Variants in TBC1D8 observed in about 807,000 individuals in gnomAD.
TBC1D8 encodes the protein BUB2-like protein 1.
TBC1D8 carries 65 observed loss-of-function variants against 118.8 expected under a neutral mutation model. The ratio of observed to expected loss-of-function variants is 0.55; its 90% CI spans 0.45 to 0.67. The LOEUF (loss-of-function observed/expected upper bound fraction) is 0.67, where lower values mean the gene tolerates loss of function less well. Ranked by LOEUF, TBC1D8 falls within the 30% of genes least tolerant of loss-of-function variation. TBC1D8 has a pLI of 0.00. For synonymous variants in TBC1D8, 566 were observed against 595.8 expected, an observed-to-expected ratio of 0.95 and a Z score of 0.73; for missense variants, 1,376 against 1,471.2, an observed-to-expected ratio of 0.94 and a Z score of 1.06.
intron 2 of TBC1D8, among the ~76,000 whole-genome samples, chr2:101,066,197 T>C (rs1558668951): frequency 6.6e-6 from 1 of 152,068 alleles, no homozygotes; most frequent in African/African-American, 2.4e-5. Context: ...GGCAAGAGAA[T>C]TGCTTGAACC....
intron 6 of TBC1D8, 67 bp from the exon 7 acceptor site, chr2:101,038,722 G>C: frequency 2.6e-6 from 4 of 1,555,268 alleles, no homozygotes; most frequent in Non-Finnish European, 3.5e-6. Flanking sequence ...TACATATGCA[G>C]AAGATGTCCC....
Position 101,066,286 on chromosome 2 carries a change from AAAAAT to A in TBC1D8, c.284-6752_284-6748del, listed in dbSNP as rs1200419010. Among the ~76,000 whole-genome samples the A allele has an allele frequency of 3.9e-5, 6 of 152,208 alleles. No individual in the cohort carries two copies. The East Asian group carries it at 7.7e-4, about 20-fold the overall frequency. The stretch of plus-strand genomic sequence containing the variant: ...GCGAAACAGCAAGAGTTCATCTCAA[AAAAAT>A]AAAATAAAATAAAATAAATATAAAT... On this transcript the variant is annotated intron_variant, in intron 2 of 19. Transcript: ENST00000409318.
At chr2:101,043,608 T>C (rs1417999453) in intron 5 of TBC1D8, among the ~76,000 whole-genome samples, 2 of 152,158 alleles carry the variant, frequency 1.3e-5, no homozygotes, top group Admixed American at 6.5e-5. Flanking sequence ...GGAGTACTTG[T>C]ATTTACATTT....
chr2:101,096,015 G>A (rs933086770), intron 1 of TBC1D8, among the ~76,000 whole-genome samples: 4 of 152,270 alleles, frequency 2.6e-5, no homozygotes, highest in Non-Finnish European at 4.4e-5. Flanking sequence ...TGACAGTAAC[G>A]ACAGCTGGAA....
At chr2:101,100,995 T>G (rs1291034932) in intron 1 of TBC1D8, among the ~76,000 whole-genome samples, 3 of 152,164 alleles carry the variant, frequency 2.0e-5, no homozygotes, top group Non-Finnish European at 2.9e-5. Context: ...AGCACAGACT[T>G]CATGACTAAA....
chr2:101,026,407 C>T (rs969805188), intron 15 of TBC1D8, among the ~76,000 whole-genome samples: 1 of 152,190 alleles, frequency 6.6e-6, no homozygotes, highest in Non-Finnish European at 1.5e-5. Flanking sequence ...CGGGAGAAAG[C>T]GGCCTGCTAG....
At chr2:101,077,343 G>A (rs550823758) in intron 2 of TBC1D8, among the ~76,000 whole-genome samples, 5 of 149,140 alleles carry the variant, frequency 3.4e-5, no homozygotes, top group African/African-American at 1.2e-4. Context: ...CGCCTCCCGG[G>A]TTCACGCCAT....
intron 17 of TBC1D8, chr2:101,017,917 A>G (rs1679773919): frequency 6.4e-7 from 1 of 1,550,742 alleles, no homozygotes; most frequent in Non-Finnish European, 8.7e-7. Context: ...AAACCGAACA[A>G]GAAGAGGAAA....
In TBC1D8 at chr2:101,090,227, A is replaced by G; in HGVS notation, c.265T>C (p.Tyr89His). 6.2e-7 allele frequency: 1 copy of G among 1,613,800 alleles called. No individual in the cohort carries two copies. The highest frequency in any genetic ancestry group is 8.5e-7 in the Non-Finnish European group (1 of 1,179,766). ...CGELLNGSDV[Y>H]WAIATGATLE... The stretch of plus-strand genomic sequence containing the variant: ...AACTCACCAGTGGCTATGGCCCAGT[A>G]AACGTCTGATCCATTCAGTAACTCA... The change falls in exon 2 of 20, where the codon TAC (tyrosine) becomes CAC (histidine). Residue 89 changes from tyrosine to histidine, a missense_variant. Physicochemically the swap from Tyr to His is moderately conservative, Grantham distance 83 (BLOSUM62 2). Coordinates refer to ENST00000409318, the MANE Select transcript of TBC1D8 (RefSeq NM_001330348.2).
chr2:101,023,613 A>AT (rs765037246), intron 15 of TBC1D8: 16 of 438,938 alleles, frequency 3.6e-5, no homozygotes, highest in South Asian at 1.0e-4. Context: ...TACATTAACA[A>AT]TTTTTTTTAA....
At chr2:101,043,668 G>A (rs1000288647) in intron 5 of TBC1D8, among the ~76,000 whole-genome samples, 1 of 152,144 alleles carries the variant, frequency 6.6e-6, no homozygotes, top group Non-Finnish European at 1.5e-5. Flanking sequence ...CAGGCTGAGC[G>A]TGGTGGCTCA....
intron 1 of TBC1D8, among the ~76,000 whole-genome samples, chr2:101,102,052 G>C (rs1158947823): frequency 6.7e-6 from 1 of 149,292 alleles, no homozygotes; most frequent in Admixed American, 6.7e-5. Flanking sequence ...GGAGTGGAGA[G>C]GAGGGGAGGG....
chr2:101,146,138 C>G (rs1420061360), intron 1 of TBC1D8, among the ~76,000 whole-genome samples: 2 of 152,158 alleles, frequency 1.3e-5, no homozygotes, highest in African/African-American at 4.8e-5. Flanking sequence ...CTGTAGAAAA[C>G]AGTCTCTAAC....
chr2:101,032,727 T>G (rs1423646263), intron 10 of TBC1D8: 1 of 204,830 alleles, frequency 4.9e-6, no homozygotes, highest in Non-Finnish European at 9.8e-6. Flanking sequence ...ACAAACTTAA[T>G]TCGCTCACTG....
chr2:101,008,658 C>T (rs1365898651), intron 19 of TBC1D8, among the ~76,000 whole-genome samples: 1 of 151,978 alleles, frequency 6.6e-6, no homozygotes, highest in Non-Finnish European at 1.5e-5. Flanking sequence ...ACTAAAAATA[C>T]AAAATTAGCC....
At chr2:101,056,365 G>A (rs985826520) in intron 3 of TBC1D8, among the ~76,000 whole-genome samples, 2 of 151,860 alleles carry the variant, frequency 1.3e-5, no homozygotes, top group Non-Finnish European at 2.9e-5. Flanking sequence ...CACCATGCCT[G>A]GCTAATTTCT....
chr2:101,034,417 C>T (rs1680873090), intron 9 of TBC1D8, among the ~76,000 whole-genome samples: 2 of 152,172 alleles, frequency 1.3e-5, no homozygotes, highest in South Asian at 4.1e-4. Context: ...GCAGCTATGA[C>T]AAAGCGAAGG....
At chr2:101,116,237 G>A (rs1174364805) in intron 1 of TBC1D8, among the ~76,000 whole-genome samples, 1 of 152,156 alleles carries the variant, frequency 6.6e-6, no homozygotes, top group Admixed American at 6.5e-5. Flanking sequence ...CAAGGGCCCT[G>A]AGAATGCCCA....
rs769656954 is a variant in TBC1D8 at position 101,029,454 on chromosome 2, C to T, written c.2222+37G>A. 4.4e-6 allele frequency: 7 copies of T among 1,593,786 alleles called. No individual in the cohort carries two copies. The Admixed American group carries it at 1.2e-4, about 27-fold the overall frequency. ...GCTGGGCACGTGCTGCTGCCTCCTCCATCTCTGGTTGGCCACAGAGGTGCA... is the reference window on the plus strand; with the variant it reads ...GCTGGGCACGTGCTGCTGCCTCCTCTATCTCTGGTTGGCCACAGAGGTGCA... On this transcript the variant is annotated intron_variant, in intron 12 of 19. Transcript: ENST00000409318.
Sources: gnomAD v4.1 joint callset for allele counts (sites outside exome capture counted in the v4.1 genomes callset) on GRCh38, gnomAD v4.1.1 for gene constraint, MANE v1.5 for transcripts, NCBI Gene and HGNC (gene_info 2026-07-23, HGNC 2026-07-21) for gene names.